SPG7: variants seen among roughly 807,000 people sequenced by gnomAD.
The protein encoded by SPG7 is mitochondrial inner membrane m-AAA protease component paraplegin.
In SPG7, 103 loss-of-function variants were observed where a neutral mutation model predicts 81.9. That is an observed-to-expected ratio of 1.26 (90% CI 1.07 to 1.48). The LOEUF is 1.48. SPG7 is among the 40% of genes most tolerant of loss of function. The probability of loss-of-function intolerance (pLI) is 0.00; values close to 1 mark genes in which losing one functional copy is unlikely to be tolerated. For missense variants in SPG7, 1,241 were observed against 1,087.3 expected (o/e 1.14, Z -1.99); for synonymous variants, 534 against 444.2 (o/e 1.20, Z -2.54).
chr16:89,528,116 C>T (rs938818165), intron 5 of SPG7, among the ~76,000 whole-genome samples: 6 of 148,302 alleles, frequency 4.0e-5, no homozygotes, highest in South Asian at 4.3e-4. Context: ...TTGGGCCGGG[C>T]GCGGTGGCTC....
At chr16:89,552,292 C>T (rs2058642807) in intron 13 of SPG7, 1 of 153,932 alleles carries the variant, frequency 6.5e-6, no homozygotes, top group African/African-American at 2.4e-5. Context: ...AACTCCTGGG[C>T]TCATGCAATC....
At chr16:89,555,168 A>G (rs1205558440) in intron 16 of SPG7, 1 of 142,536 alleles carries the variant, frequency 7.0e-6, no homozygotes, top group Non-Finnish European at 1.5e-5. Flanking sequence ...TGCCACCTCC[A>G]CCTCCCCAGT....
chr16:89,529,058 C>G, intron 5 of SPG7: 1 of 278,636 alleles, frequency 3.6e-6, no homozygotes, highest in South Asian at 3.6e-5. Flanking sequence ...GTGATTCACC[C>G]GCCACGGCCT....
At chr16:89,526,862 G>A (rs1242764685) in intron 5 of SPG7, 2 of 300,476 alleles carry the variant, frequency 6.7e-6, no homozygotes, top group African/African-American at 2.3e-5. Flanking sequence ...CTCAGCCCCC[G>A]ACGTAGGATG....
intron 10 of SPG7, 80 bp from the exon 11 acceptor site, chr16:89,546,578 C>T (rs541143764): frequency 2.0e-5 from 19 of 942,782 alleles, no homozygotes; most frequent in Middle Eastern, 2.1e-4. Context: ...GGGACCCCCC[C>T]CCCCCACAGA....
chr16:89,539,510 A>C (rs2058470154), intron 9 of SPG7: 1 of 152,156 alleles, frequency 6.6e-6, no homozygotes, highest in Non-Finnish European at 1.5e-5. Flanking sequence ...CAAAAAAACA[A>C]ATAAATAAAA....
Position 89,552,995 on chromosome 16 carries a change from G to T in SPG7, c.1796G>T (p.Arg599Leu), listed in dbSNP as rs149749852. The T allele has an allele frequency of 2.5e-5, 41 of 1,613,714 alleles. No homozygotes were observed. In the Middle Eastern group the frequency reaches 5.0e-4, roughly 20 times the overall value. ...TTGTGCCAGGTCTCCATAACCCCTCGGACAAACGCCGCCCTGGGCTTTGCT... is the reference window on the plus strand; with the variant it reads ...TTGTGCCAGGTCTCCATAACCCCTCTGACAAACGCCGCCCTGGGCTTTGCT... ...EAVMKVSITP[R>L]TNAALGFAQM... The change falls in exon 14 of 17, where the codon CGG becomes CTG. Residue 599 changes from arginine (R) to leucine (L), a missense_variant. Arg to Leu is a moderately radical substitution (Grantham distance 102). Transcript: ENST00000645818.
chr16:89,548,112 A>G lies in SPG7; in HGVS notation c.1662A>G (p.Ala554=), dbSNP rs2058588323. 1 of 1,600,014 alleles carries G rather than the reference A, an allele frequency of 6.2e-7. No individual in the cohort carries two copies. Among genetic ancestry groups the G allele is most frequent in the Non-Finnish European group, 8.5e-7 (1 of 1,175,490 alleles). ...NFEYAVERVL[A]GTAKKSKILS... ...AGTACGCCGTGGAGCGCGTCCTCGC[A>G]GGTACAGGGGGCGCGCCCTGGGTGA... The change falls in exon 12 of 17, where the codon GCA becomes GCG. Residue 554 remains alanine, a splice_region_variant and synonymous_variant. Transcript: ENST00000645818.
intron 3 of SPG7, chr16:89,518,990 TTA>T (rs2058145412): frequency 1.3e-5 from 2 of 152,006 alleles, no homozygotes; most frequent in East Asian, 1.9e-4. Flanking sequence ...TTTTATTTAT[TTA>T]TTTTTTTTTG....
chr16:89,529,903 G>C (rs979106315), intron 6 of SPG7: 9 of 376,328 alleles, frequency 2.4e-5, no homozygotes, highest in African/African-American at 1.5e-4. Context: ...GCAGCCGTGC[G>C]ATCTCAGCTC....
chr16:89,536,647 G>A lies in SPG7; in HGVS notation c.1324+4011G>A. 8.0e-6 allele frequency: 10 copies of A among 1,242,914 alleles called. 1 individual carries two copies. Among genetic ancestry groups the A allele is most frequent in the South Asian group, 4.9e-5 (4 of 81,344 alleles). 77.0% of individuals were successfully genotyped at this position (1,242,914 alleles called of 1,614,324 possible). ...TGAGGGCGGGTGAGGCGGGCGAGGT[G>A]GGCGAGGCAGGCGAGGCGGGTGAGA... On this transcript the variant is annotated intron_variant, in intron 9 of 16. Coordinates refer to ENST00000645818, the MANE Select transcript of SPG7 (RefSeq NM_003119.4).
chr16:89,523,192 C>G (rs1176232320), intron 3 of SPG7: 1 of 161,094 alleles, frequency 6.2e-6, no homozygotes, highest in Non-Finnish European at 1.4e-5. Context: ...AAGAGTTGGT[C>G]TCTGGGAAAA....
intron 5 of SPG7, chr16:89,527,247 C>T (rs2058276668): frequency 6.6e-6 from 1 of 152,434 alleles, no homozygotes; most frequent in Non-Finnish European, 1.5e-5. Flanking sequence ...TGGAGGCCAA[C>T]CGTGTGCAAG....
chr16:89,529,366 G>A (rs1242588486), intron 5 of SPG7, 111 bp from the exon 6 acceptor site: 3 of 743,154 alleles, frequency 4.0e-6, no homozygotes, highest in Non-Finnish European at 7.3e-6. Context: ...CCAGACGTAG[G>A]GATTCCTCGT....
At chr16:89,545,000 G>A in intron 10 of SPG7, 1 of 596,872 alleles carries the variant, frequency 1.7e-6, no homozygotes, top group Non-Finnish European at 3.1e-6. Flanking sequence ...CCCCCTGGCA[G>A]ACCTGCCCAA....
chr16:89,545,117 A>T, intron 10 of SPG7: 1 of 370,098 alleles, frequency 2.7e-6, no homozygotes, highest in East Asian at 6.7e-5. Flanking sequence ...TTGAAACAAA[A>T]TCCAGGAGGA....
chr16:89,514,347 A>G (rs1364343867), intron 3 of SPG7: 2 of 100,498 alleles, frequency 2.0e-5, no homozygotes, highest in East Asian at 5.9e-4. Flanking sequence ...TTTTGCCAGA[A>G]TCTCACTCTG....
In SPG7 at chr16:89,529,534, C is replaced by T. The variant is rs781638441; in HGVS notation, c.816C>T (p.Phe272=). The part of the protein sequence containing the change: ...AVGLAILWYV[F]RLAGMTGREG... The stretch of plus-strand genomic sequence containing the variant: ...GCCTGGCCATCCTGTGGTATGTTTT[C>T]CGTCTGGCCGGGATGACTGGAAGGG... The change falls in exon 6 of 17, where the codon TTC becomes TTT. Residue 272 remains phenylalanine (F), a synonymous_variant. Coordinates refer to ENST00000645818, the MANE Select transcript of SPG7 (RefSeq NM_003119.4). 1.2e-6 allele frequency: 2 copies of T among 1,614,062 alleles called. No homozygotes were observed. The highest frequency in any genetic ancestry group is 1.7e-4 in the Middle Eastern group (1 of 6,058).
chr16:89,530,960 G>A (rs767047109), intron 7 of SPG7, 152 bp downstream of exon 7: 4 of 996,858 alleles, frequency 4.0e-6, no homozygotes, highest in Non-Finnish European at 6.2e-6. Context: ...CCAAGCAGGT[G>A]CTGGTGCCTG....
Sources: gnomAD v4.1 joint callset for allele counts (sites outside exome capture counted in the v4.1 genomes callset) on GRCh38, gnomAD v4.1.1 for gene constraint, MANE v1.5 for transcripts, NCBI Gene and HGNC (gene_info 2026-07-23, HGNC 2026-07-21) for gene names.